CDH12: variants seen among roughly 807,000 people sequenced by gnomAD.
CDH12 encodes cadherin 12.
A neutral mutation model predicts 74.1 loss-of-function variants in CDH12; 41 were observed. That is an observed-to-expected ratio of 0.55 (90% CI 0.43 to 0.72). The LOEUF (loss-of-function observed/expected upper bound fraction) is 0.72. Ranked by LOEUF, CDH12 falls within the 30% of genes least tolerant of loss-of-function variation. The pLI is 0.00. For missense variants in CDH12, 945 were observed against 977.2 expected, an observed-to-expected ratio of 0.97 and a Z score of 0.44; for synonymous variants, 399 against 355.0, an observed-to-expected ratio of 1.12 and a Z score of -1.39.
At chr5:22,246,055 C>G (rs1253758337) in intron 3 of CDH12, among the ~76,000 whole-genome samples, 1 of 152,046 alleles carries the variant, frequency 6.6e-6, no homozygotes, top group Admixed American at 6.6e-5. Flanking sequence ...TCCTGATGTT[C>G]CTTTTCACAT....
chr5:22,089,146 G>C (rs571608033), intron 4 of CDH12, among the ~76,000 whole-genome samples: 84 of 152,290 alleles, frequency 5.5e-4, no homozygotes, highest in African/African-American at 2.0e-3. Flanking sequence ...TTCTGAGCAG[G>C]CAGAGGCTGA....
At chr5:21,983,635 A>C (rs1757402563) in intron 5 of CDH12, among the ~76,000 whole-genome samples, 1 of 152,100 alleles carries the variant, frequency 6.6e-6, no homozygotes, top group South Asian at 2.1e-4. Flanking sequence ...ATCAATGATT[A>C]TTTCCACGAT....
intron 5 of CDH12, among the ~76,000 whole-genome samples, chr5:22,012,590 T>C (rs1005018621): frequency 4.6e-5 from 7 of 152,154 alleles, no homozygotes; most frequent in Non-Finnish European, 7.4e-5. Flanking sequence ...CTATGGAGAA[T>C]TGTAATAGAG....
At chr5:22,026,310 T>C (rs1738348310) in intron 5 of CDH12, among the ~76,000 whole-genome samples, 1 of 152,170 alleles carries the variant, frequency 6.6e-6, no homozygotes. Context: ...AAAGACGGAC[T>C]GCAGACACCC....
chr5:22,457,248 A>G (rs149051151), intron 2 of CDH12, among the ~76,000 whole-genome samples: 1 of 152,292 alleles, frequency 6.6e-6, no homozygotes, highest in Non-Finnish European at 1.5e-5. Flanking sequence ...GTGGATCACA[A>G]CAAGAGAACT....
chr5:22,156,482 T>C (rs1748029894), intron 4 of CDH12, among the ~76,000 whole-genome samples: 2 of 152,146 alleles, frequency 1.3e-5, no homozygotes, highest in South Asian at 2.1e-4. Context: ...TTTAATACTT[T>C]ATGTAAAATC....
chr5:21,986,351 C>T (rs1278925552), intron 5 of CDH12, among the ~76,000 whole-genome samples: 1 of 152,098 alleles, frequency 6.6e-6, no homozygotes, highest in African/African-American at 2.4e-5. Flanking sequence ...TTCATGGCTA[C>T]ATATAAAAGC....
intron 4 of CDH12, among the ~76,000 whole-genome samples, chr5:22,087,776 G>A (rs1341916686): frequency 1.3e-5 from 2 of 152,192 alleles, no homozygotes; most frequent in Admixed American, 6.5e-5. Flanking sequence ...AAGGATAACT[G>A]TGATGGAAAA....
chr5:22,281,616 A>G (rs185772458), intron 3 of CDH12, among the ~76,000 whole-genome samples: 7 of 152,308 alleles, frequency 4.6e-5, no homozygotes, highest in Admixed American at 1.3e-4. Flanking sequence ...GTGAACTCCC[A>G]TTTACAATTG....
intron 1 of CDH12, among the ~76,000 whole-genome samples, chr5:22,693,427 C>A (rs1425058474): frequency 7.3e-5 from 11 of 151,434 alleles, no homozygotes; most frequent in Non-Finnish European, 1.5e-4. Context: ...GTCATGGGGA[C>A]CAATAAAGGA....
rs557177514 is a variant in CDH12, at chr5:22,322,384, T to C, written c.-333+82873A>G. The stretch of plus-strand genomic sequence containing the variant: ...CTTTATTTAAAAAAAAAAAACATGG[T>C]AATCTGCTTTGATTTAATGTTATTC... On this transcript the variant is annotated intron_variant, in intron 3 of 14. Coordinates refer to ENST00000382254, the MANE Select transcript of CDH12 (RefSeq NM_004061.5). 8.7e-5 allele frequency among the ~76,000 whole-genome samples: 13 copies of C among 150,256 alleles called. No homozygotes were observed. In the East Asian group the frequency reaches 1.7e-3, roughly 20 times the overall value.
chr5:22,613,192 G>A (rs1737499908), intron 1 of CDH12, among the ~76,000 whole-genome samples: 1 of 151,850 alleles, frequency 6.6e-6, no homozygotes, highest in Non-Finnish European at 1.5e-5. Flanking sequence ...GGAAAACCTG[G>A]AACATTTATC....
At chr5:22,156,825 G>A (rs952235142) in intron 4 of CDH12, among the ~76,000 whole-genome samples, 1 of 152,056 alleles carries the variant, frequency 6.6e-6, no homozygotes, top group Non-Finnish European at 1.5e-5. Context: ...TTTTACATAT[G>A]CATAATGTAG....
At chr5:22,657,270 T>C (rs1450843215) in intron 1 of CDH12, among the ~76,000 whole-genome samples, 1 of 152,146 alleles carries the variant, frequency 6.6e-6, no homozygotes, top group Non-Finnish European at 1.5e-5. Flanking sequence ...TGGAAATGGG[T>C]ACGAGGATGC....
At chr5:22,518,151 T>C (rs1203085824) in intron 1 of CDH12, among the ~76,000 whole-genome samples, 2 of 152,216 alleles carry the variant, frequency 1.3e-5, no homozygotes, top group African/African-American at 4.8e-5. Flanking sequence ...AATTTATTGA[T>C]GAAGATCACA....
At chr5:22,657,543 T>C (rs1317348462) in intron 1 of CDH12, among the ~76,000 whole-genome samples, 2 of 152,192 alleles carry the variant, frequency 1.3e-5, no homozygotes, top group Non-Finnish European at 2.9e-5. Context: ...TCCAGTTAAT[T>C]ACCACAGGTG....
At chr5:22,723,510 C>T (rs760842318) in intron 1 of CDH12, among the ~76,000 whole-genome samples, 18 of 151,904 alleles carry the variant, frequency 1.2e-4, no homozygotes, top group Admixed American at 2.6e-4. Flanking sequence ...TAGTCAAGAG[C>T]TAAGAGTTAA....
At chr5:22,192,027 C>T (rs1487050265) in intron 4 of CDH12, among the ~76,000 whole-genome samples, 1 of 152,128 alleles carries the variant, frequency 6.6e-6, no homozygotes, top group Non-Finnish European at 1.5e-5. Context: ...CCTCTGCCTC[C>T]AGGATTCAAG....
At chr5:22,484,546 A>G (rs151273666) in intron 2 of CDH12, among the ~76,000 whole-genome samples, 1 of 152,238 alleles carries the variant, frequency 6.6e-6, no homozygotes, top group Non-Finnish European at 1.5e-5. Context: ...GACGATCACC[A>G]TGAACTTGGA....
Sources: gnomAD v4.1 joint callset for allele counts (sites outside exome capture counted in the v4.1 genomes callset) on GRCh38, gnomAD v4.1.1 for gene constraint, MANE v1.5 for transcripts, NCBI Gene and HGNC (gene_info 2026-07-23, HGNC 2026-07-21) for gene names.